CHSY3: variants seen among roughly 807,000 people sequenced by gnomAD.
The protein encoded by CHSY3 is chondroitin sulfate synthase 3, also known as N-acetylgalactosaminyl-proteoglycan 3-beta-glucuronosyltransferase 3.
CHSY3 carries 35 observed loss-of-function variants against 67.2 expected under a neutral mutation model. The ratio of observed to expected loss-of-function variants is 0.52; its 90% CI spans 0.40 to 0.69. The LOEUF is 0.69. Ranked by LOEUF, CHSY3 falls within the 30% of genes least tolerant of loss-of-function variation. The pLI is 0.00. For missense variants in CHSY3, 1,069 were observed against 1,138.5 expected (o/e 0.94, Z 0.88); for synonymous variants, 474 against 434.7 (o/e 1.09, Z -1.12).
At chr5:129,970,449 GA>G (rs1580596758) in intron 2 of CHSY3, among the ~76,000 whole-genome samples, 6 of 151,408 alleles carry the variant, frequency 4.0e-5, no homozygotes, top group Admixed American at 6.6e-5. Context: ...TAGATAGATA[GA>G]CAGACAGAAA....
intron 2 of CHSY3, among the ~76,000 whole-genome samples, chr5:130,127,080 T>C (rs1768317907): frequency 6.6e-6 from 1 of 152,188 alleles, no homozygotes. Flanking sequence ...GTGGACACCA[T>C]TGGGAATCTA....
At chr5:130,075,434 C>A (rs1408657425) in intron 2 of CHSY3, among the ~76,000 whole-genome samples, 1 of 152,004 alleles carries the variant, frequency 6.6e-6, no homozygotes, top group Non-Finnish European at 1.5e-5. Flanking sequence ...AAAAATATTC[C>A]TGTTTGAAAG....
intron 2 of CHSY3, among the ~76,000 whole-genome samples, chr5:130,167,473 C>G (rs1263901070): frequency 1.3e-5 from 2 of 152,096 alleles, no homozygotes; most frequent in Non-Finnish European, 2.9e-5. Context: ...GAATTTACAA[C>G]TGCAAGTTTT....
intron 2 of CHSY3, among the ~76,000 whole-genome samples, chr5:130,054,735 G>A (rs1375798375): frequency 1.3e-5 from 2 of 152,176 alleles, no homozygotes; most frequent in Non-Finnish European, 2.9e-5. Context: ...GAATAATGAA[G>A]TGTTTTAGTA....
chr5:130,051,673 C>T (rs1405885824), intron 2 of CHSY3, among the ~76,000 whole-genome samples: 2 of 151,906 alleles, frequency 1.3e-5, no homozygotes, highest in Admixed American at 6.6e-5. Flanking sequence ...AGGAAAAAAA[C>T]TTATGGGAAA....
intron 2 of CHSY3, among the ~76,000 whole-genome samples, chr5:130,144,882 C>T (rs1317774328): frequency 6.6e-6 from 1 of 152,022 alleles, no homozygotes; most frequent in Non-Finnish European, 1.5e-5. Flanking sequence ...AGGCTGTAAG[C>T]CAATTACAAA....
chr5:130,156,749 C>T (rs566678842), intron 2 of CHSY3, among the ~76,000 whole-genome samples: 6 of 152,312 alleles, frequency 3.9e-5, no homozygotes, highest in Middle Eastern at 3.4e-3. Context: ...TGACTATGGG[C>T]AAGCAAGCTA....
intron 2 of CHSY3, among the ~76,000 whole-genome samples, chr5:129,958,419 C>T (rs1377751405): frequency 6.6e-6 from 1 of 152,104 alleles, no homozygotes; most frequent in Middle Eastern, 3.2e-3. Flanking sequence ...TAAAATTATT[C>T]CTTGCATTGG....
chr5:130,096,739 A>G (rs560610520), intron 2 of CHSY3, among the ~76,000 whole-genome samples: 13 of 152,164 alleles, frequency 8.5e-5, no homozygotes, highest in Non-Finnish European at 1.9e-4. Context: ...CACCACCTGC[A>G]GTTGAAAGCA....
intron 2 of CHSY3, among the ~76,000 whole-genome samples, chr5:129,994,421 T>C (rs1267832089): frequency 6.6e-6 from 1 of 152,142 alleles, no homozygotes; most frequent in African/African-American, 2.4e-5. Context: ...CTTTTTATTC[T>C]TTTTTCTCTA....
At chr5:130,020,159 G>C (rs1027460245) in intron 2 of CHSY3, among the ~76,000 whole-genome samples, 2 of 151,766 alleles carry the variant, frequency 1.3e-5, no homozygotes, top group Non-Finnish European at 2.9e-5. Context: ...GGCTCACGCC[G>C]GTAGTCCCAG....
intron 2 of CHSY3, among the ~76,000 whole-genome samples, chr5:130,143,810 GTATATATATATATA>G (rs61284287): frequency 4.1e-4 from 23 of 56,490 alleles, no homozygotes; most frequent in East Asian, 8.9e-4. Flanking sequence ...ATATATGTGT[GTATATATATATATA>G]TATATATATA....
chr5:130,065,797 C>T (rs774548579), intron 2 of CHSY3, among the ~76,000 whole-genome samples: 22 of 152,076 alleles, frequency 1.4e-4, no homozygotes, highest in Non-Finnish European at 3.1e-4. Flanking sequence ...AGCCATTCAT[C>T]GACTTTTCCA....
chr5:130,126,438 T>C (rs931563523), intron 2 of CHSY3, among the ~76,000 whole-genome samples: 3 of 152,136 alleles, frequency 2.0e-5, no homozygotes, highest in Admixed American at 2.0e-4. Context: ...ATACTCATGG[T>C]ATTAGGTGGA....
At chr5:130,098,531 G>A (rs998005444) in intron 2 of CHSY3, among the ~76,000 whole-genome samples, 2 of 151,946 alleles carry the variant, frequency 1.3e-5, no homozygotes, top group Non-Finnish European at 2.9e-5. Flanking sequence ...CTGAAACAAA[G>A]TTTTCTTACC....
chr5:130,108,512 A>G (rs1443605095), intron 2 of CHSY3, among the ~76,000 whole-genome samples: 1 of 151,702 alleles, frequency 6.6e-6, no homozygotes, highest in African/African-American at 2.4e-5. Context: ...AATTGTAATC[A>G]AGATTTCATG....
At chr5:130,115,521 G>T (rs1048865807) in intron 2 of CHSY3, among the ~76,000 whole-genome samples, 34 of 152,176 alleles carry the variant, frequency 2.2e-4, no homozygotes, top group African/African-American at 8.2e-4. Context: ...TGAATGCTGT[G>T]ATCATTCTAC....
At chr5:130,052,112 C>T (rs1213834939) in intron 2 of CHSY3, 1 of 152,216 alleles carries the variant, frequency 6.6e-6, no homozygotes, top group Non-Finnish European at 1.5e-5. Flanking sequence ...TCAGTCCACA[C>T]TGCCATAGAT....
chr5:130,142,760 G>A (rs943663985), intron 2 of CHSY3, among the ~76,000 whole-genome samples: 1 of 152,042 alleles, frequency 6.6e-6, no homozygotes, highest in Non-Finnish European at 1.5e-5. Context: ...CAAAGACAGA[G>A]AATCCATGGT....
Sources: gnomAD v4.1 joint callset for allele counts (sites outside exome capture counted in the v4.1 genomes callset) on GRCh38, gnomAD v4.1.1 for gene constraint, MANE v1.5 for transcripts, NCBI Gene and HGNC (gene_info 2026-07-23, HGNC 2026-07-21) for gene names.